STX17: variants seen among roughly 807,000 people sequenced by gnomAD.
STX17 encodes syntaxin 17.
A neutral mutation model predicts 35.9 loss-of-function variants in STX17; 29 were observed. The ratio of observed to expected loss-of-function variants is 0.81; its 90% CI spans 0.60 to 1.10. The LOEUF is 1.10. Ranked by LOEUF, STX17 falls within the 50% of genes least tolerant of loss-of-function variation. The pLI, the probability that STX17 is intolerant of heterozygous loss-of-function variation, is 0.00. For missense variants in STX17, 312 were observed against 352.3 expected (o/e 0.89, Z 0.92); for synonymous variants, 92 against 118.3 (o/e 0.78, Z 1.44).
chr9:99,928,758 CCCTT>C lies in STX17; in HGVS notation c.124-18_124-15del, dbSNP rs1829042259. On this transcript the variant is annotated splice_polypyrimidine_tract_variant and intron_variant, in intron 2 of 7. Coordinates refer to ENST00000259400, the MANE Select transcript of STX17 (RefSeq NM_017919.3). ...TTTAGTGATGAAAAATTTAATACCT[CCCTT>C]CTTTCTTTTATATAGTATCAAAGGT... The C allele has an allele frequency of 8.3e-6, 13 of 1,573,450 alleles. No homozygotes were observed. Among genetic ancestry groups the C allele is most frequent in the East Asian group, 2.2e-5 (1 of 44,750 alleles).
chr9:99,962,674 C>T (rs1829849619), intron 6 of STX17, among the ~76,000 whole-genome samples: 1 of 152,160 alleles, frequency 6.6e-6, no homozygotes, highest in Non-Finnish European at 1.5e-5. Context: ...CAGCTCATAA[C>T]CTCTAATCTA....
chr9:99,935,186 C>T (rs867970531), intron 3 of STX17, among the ~76,000 whole-genome samples: 7 of 151,702 alleles, frequency 4.6e-5, no homozygotes, highest in Middle Eastern at 3.4e-3. Flanking sequence ...AAAAATTAGC[C>T]GGATGTGGTG....
At chr9:99,919,961 T>C (rs1447204994) in intron 2 of STX17, among the ~76,000 whole-genome samples, 1 of 152,246 alleles carries the variant, frequency 6.6e-6, no homozygotes, top group African/African-American at 2.4e-5. Context: ...TATTTATTGT[T>C]AATCTGTGAT....
At position 99,949,948 on chromosome 9, in the gene STX17, C is replaced by G. The variant is rs545629941; in HGVS notation, c.190-1112C>G. On this transcript the variant is annotated intron_variant, in intron 3 of 7. Transcript: ENST00000259400. The stretch of plus-strand genomic sequence containing the variant: ...GTGTACATGCACACATGTATACACA[C>G]ACACACACACACACACACTCCTATG... 2.0e-5 allele frequency among the ~76,000 whole-genome samples: 3 copies of G among 151,414 alleles called. No homozygotes were observed. The South Asian group carries it at 6.3e-4, about 32-fold the overall frequency.
At chr9:99,917,938 T>C (rs1244524454) in intron 2 of STX17, among the ~76,000 whole-genome samples, 2 of 152,168 alleles carry the variant, frequency 1.3e-5, no homozygotes, top group Non-Finnish European at 2.9e-5. Context: ...TAGTCTGGGG[T>C]ACAGTGGCTG....
At chr9:99,917,182 G>A (rs1384941466) in intron 2 of STX17, among the ~76,000 whole-genome samples, 1 of 152,138 alleles carries the variant, frequency 6.6e-6, no homozygotes, top group Non-Finnish European at 1.5e-5. Flanking sequence ...AAGCCAAACA[G>A]TTAATTTTAT....
chr9:99,910,861 C>T (rs935405892), intron 1 of STX17, among the ~76,000 whole-genome samples: 2 of 152,146 alleles, frequency 1.3e-5, no homozygotes, highest in African/African-American at 4.8e-5. Flanking sequence ...CTCTCTACCT[C>T]CAGGAGATCA....
At chr9:99,929,224 G>T in intron 3 of STX17, 1 of 154,758 alleles carries the variant, frequency 6.5e-6, no homozygotes, top group East Asian at 1.9e-4. Flanking sequence ...TGCCTGGGCA[G>T]TAATTTTTTT....
rs573930197 is a variant in STX17 at position 99,972,180 on chromosome 9, A to G, written c.*3507A>G. On this transcript the variant is annotated 3_prime_UTR_variant, in exon 8 of 8. Coordinates refer to ENST00000259400, the MANE Select transcript of STX17 (RefSeq NM_017919.3). ...ATTTGGCCCTTAAACTATAAAATCA[A>G]GAAAGAGTATTTCAATCCCATCCAC... is the stretch of plus-strand genomic sequence containing the variant. Among the ~76,000 whole-genome samples the G allele has an allele frequency of 6.9e-4, 105 of 152,356 alleles. 1 individual carries two copies. Among genetic ancestry groups the G allele is most frequent in the African/African-American group, 2.3e-3 (97 of 41,578 alleles).
intron 6 of STX17, among the ~76,000 whole-genome samples, chr9:99,964,184 A>G (rs985525122): frequency 6.6e-6 from 1 of 152,176 alleles, no homozygotes; most frequent in African/African-American, 2.4e-5. Context: ...CTAGGCCTAC[A>G]AGTGTCCCCA....
intron 1 of STX17, among the ~76,000 whole-genome samples, chr9:99,912,635 A>G (rs1828688075): frequency 1.3e-5 from 2 of 152,206 alleles, no homozygotes; most frequent in African/African-American, 4.8e-5. Flanking sequence ...TAAGCAGGGT[A>G]ATTACACTGT....
chr9:99,942,266 G>A (rs1829380504), intron 3 of STX17, among the ~76,000 whole-genome samples: 1 of 152,070 alleles, frequency 6.6e-6, no homozygotes, highest in Admixed American at 6.5e-5. Flanking sequence ...TAGAGTTCTT[G>A]CCTAAGTTTC....
At position 99,968,711 on chromosome 9, in the gene STX17, T is replaced by A; in HGVS notation, c.*38T>A. On this transcript the variant is annotated 3_prime_UTR_variant, in exon 8 of 8. Coordinates refer to ENST00000259400, the MANE Select transcript of STX17 (RefSeq NM_017919.3). ...AGTATTATTGGTGCCAACATGTCTA[T>A]CCTGAGGACCTTTGCTGCTGTTGGA... 1 of 1,591,174 alleles carries A rather than the reference T, an allele frequency of 6.3e-7. No individual in the cohort carries two copies. The highest frequency in any genetic ancestry group is 8.6e-7 in the Non-Finnish European group (1 of 1,168,276).
chr9:99,946,936 G>A (rs888114083), intron 3 of STX17, among the ~76,000 whole-genome samples: 1 of 151,958 alleles, frequency 6.6e-6, no homozygotes, highest in Non-Finnish European at 1.5e-5. Context: ...CTGGCTAGGT[G>A]TATTTTTCCT....
chr9:99,966,489 A>AT (rs1829912153), intron 6 of STX17, among the ~76,000 whole-genome samples: 2 of 152,230 alleles, frequency 1.3e-5, no homozygotes, highest in African/African-American at 4.8e-5. Context: ...GCCTCAATAT[A>AT]AATGAATAGG....
At chr9:99,928,866 G>C (rs376812310) in intron 3 of STX17, 23 bp downstream of exon 3, 2 of 1,606,630 alleles carry the variant, frequency 1.2e-6, no homozygotes, top group African/African-American at 2.7e-5. Flanking sequence ...TATTTTTTCT[G>C]CTAAATCAGT....
chr9:99,955,128 A>T (rs1052454998), intron 4 of STX17, among the ~76,000 whole-genome samples: 1 of 152,124 alleles, frequency 6.6e-6, no homozygotes, highest in African/African-American at 2.4e-5. Context: ...GCTTCTCTCC[A>T]TTTTTGTCTT....
chr9:99,912,165 G>T (rs1267954089), intron 1 of STX17, among the ~76,000 whole-genome samples: 2 of 151,974 alleles, frequency 1.3e-5, no homozygotes, highest in East Asian at 3.9e-4. Flanking sequence ...GGCAGAGGTT[G>T]CAGTAAGCTG....
rs1564070944 is a variant in STX17 at position 99,951,055 on chromosome 9, T to C, written c.190-5T>C. ...GGTGGCATTAATGATTTTTTTCTTT[T>C]ATAGCAACTCCGATCCAATATCCGA... On this transcript the variant is annotated splice_region_variant and splice_polypyrimidine_tract_variant and intron_variant, in intron 3 of 7. Coordinates refer to ENST00000259400, the MANE Select transcript of STX17 (RefSeq NM_017919.3). The C allele has an allele frequency of 6.3e-7, 1 of 1,592,978 alleles. No homozygotes were observed.
Sources: gnomAD v4.1 joint callset for allele counts (sites outside exome capture counted in the v4.1 genomes callset) on GRCh38, gnomAD v4.1.1 for gene constraint, MANE v1.5 for transcripts, NCBI Gene and HGNC (gene_info 2026-07-23, HGNC 2026-07-21) for gene names.